The following MALRD1 variants were observed in gnomAD, a reference collection of about 807,000 sequenced individuals.
MALRD1 encodes MAM and LDL-receptor class A domain-containing protein 1.
In MALRD1, 247 loss-of-function variants were observed where a neutral mutation model predicts 242.1. That is an observed-to-expected ratio of 1.02 (90% CI 0.92 to 1.13). The LOEUF (loss-of-function observed/expected upper bound fraction) is 1.13. Ranked by LOEUF, MALRD1 falls within the 50% of genes most tolerant of loss-of-function variation. The pLI is 0.00. For missense variants in MALRD1, 2,989 were observed against 2,533.1 expected, an observed-to-expected ratio of 1.18 and a Z score of -3.86; for synonymous variants, 995 against 866.6, an observed-to-expected ratio of 1.15 and a Z score of -2.60.
intron 31 of MALRD1, among the ~76,000 whole-genome samples, chr10:19,525,757 A>T (rs1286696919): frequency 6.6e-6 from 1 of 152,166 alleles, no homozygotes; most frequent in Admixed American, 6.5e-5. Flanking sequence ...CAAAATTCAG[A>T]TATATTTAAT....
intron 18 of MALRD1, among the ~76,000 whole-genome samples, chr10:19,253,422 C>T (rs1334633558): frequency 2.0e-5 from 3 of 151,772 alleles, no homozygotes; most frequent in African/African-American, 7.3e-5. Flanking sequence ...ATTTATATGT[C>T]GATTTTATCC....
chr10:19,125,309 C>CTTT (rs1837226433), intron 7 of MALRD1, among the ~76,000 whole-genome samples: 1 of 58,592 alleles, frequency 1.7e-5, no homozygotes, highest in African/African-American at 8.9e-5. Context: ...TTCCTTCCTT[C>CTTT]CTTCCTTCCT....
intron 21 of MALRD1, among the ~76,000 whole-genome samples, chr10:19,305,876 A>T (rs1210453975): frequency 7.6e-6 from 1 of 130,806 alleles, no homozygotes; most frequent in Non-Finnish European, 1.6e-5. Context: ...TATATTATAT[A>T]ATATATATAA....
chr10:19,168,153 C>T (rs779339393), intron 13 of MALRD1, among the ~76,000 whole-genome samples: 13 of 152,170 alleles, frequency 8.5e-5, no homozygotes, highest in Non-Finnish European at 1.6e-4. Flanking sequence ...AGGTCCCCAA[C>T]GTCCCTTCTC....
At chr10:19,596,496 G>A (rs1260989914) in intron 34 of MALRD1, among the ~76,000 whole-genome samples, 2 of 152,188 alleles carry the variant, frequency 1.3e-5, no homozygotes, top group East Asian at 1.9e-4. Flanking sequence ...TTGAAAGGCC[G>A]AGATCGGAGG....
chr10:19,235,609 A>AGAGAGAGAGAGAGAGAGAGC (rs1412613080), intron 18 of MALRD1, among the ~76,000 whole-genome samples: 21 of 136,486 alleles, frequency 1.5e-4, no homozygotes, highest in African/African-American at 5.6e-4. Flanking sequence ...AGAGAGAGAG[A>AGAGAGAGAGAGAGAGAGAGC]GAGAGCGCCT....
chr10:19,400,231 G>A (rs536326543), intron 28 of MALRD1, among the ~76,000 whole-genome samples: 6 of 152,146 alleles, frequency 3.9e-5, no homozygotes, highest in Non-Finnish European at 8.8e-5. Flanking sequence ...GAAAGTGAAT[G>A]TCCTTCAATA....
At chr10:19,129,563 C>G (rs1193650939) in intron 8 of MALRD1, among the ~76,000 whole-genome samples, 1 of 151,828 alleles carries the variant, frequency 6.6e-6, no homozygotes, top group Non-Finnish European at 1.5e-5. Context: ...CTCTTCTTCC[C>G]CAAAGAGGTG....
chr10:19,084,712 T>G (rs924992409), intron 2 of MALRD1, among the ~76,000 whole-genome samples: 1 of 151,990 alleles, frequency 6.6e-6, no homozygotes, highest in Non-Finnish European at 1.5e-5. Flanking sequence ...TGATTCATGG[T>G]TTTTGTTGCT....
At chr10:19,531,951 C>T (rs553749990) in intron 32 of MALRD1, among the ~76,000 whole-genome samples, 9 of 152,276 alleles carry the variant, frequency 5.9e-5, no homozygotes, top group Admixed American at 5.2e-4. Flanking sequence ...CATATCAGCA[C>T]ACCACACCTA....
chr10:19,724,557 TATCTA>T (rs1834924090), intron 38 of MALRD1, among the ~76,000 whole-genome samples: 1 of 152,184 alleles, frequency 6.6e-6, no homozygotes, highest in Non-Finnish European at 1.5e-5. Flanking sequence ...TTTATTCACT[TATCTA>T]GTCCAAAGAT....
At chr10:19,335,192 GTTT>G (rs397828429) in intron 24 of MALRD1, among the ~76,000 whole-genome samples, 2 of 137,370 alleles carry the variant, frequency 1.5e-5, no homozygotes, top group Middle Eastern at 3.4e-3. Flanking sequence ...GTTTTTTTTT[GTTT>G]TTTTTTTTTT....
rs557006043 is a variant in MALRD1, at chr10:19,113,216, TA to T, written c.694+9142del. On this transcript the variant is annotated intron_variant, in intron 5 of 39. Transcript: ENST00000454679. ...TTCTCATAAATCCATCAATAAGTCT[TA>T]CTGCCTCCAGGACAGAATTCAAATA... Among the ~76,000 whole-genome samples, 16 of 152,270 alleles carry T rather than the reference TA, an allele frequency of 1.1e-4. No homozygotes were observed. The East Asian group carries it at 3.1e-3, about 29-fold the overall frequency.
At chr10:19,321,641 A>G (rs1207453625) in intron 21 of MALRD1, among the ~76,000 whole-genome samples, 3 of 152,134 alleles carry the variant, frequency 2.0e-5, no homozygotes, top group Non-Finnish European at 4.4e-5. Context: ...CATCTGAACT[A>G]TTCCCTTCTA....
rs538837831 is a variant in MALRD1, at chr10:19,390,719, A to G, written c.4845+1110A>G. On this transcript the variant is annotated intron_variant, in intron 28 of 39. Coordinates refer to ENST00000454679, the MANE Select transcript of MALRD1 (RefSeq NM_001142308.3). ...TTTGGTTAAGTGCCCTGGCACTGATAGAAAATGCCTGAGCTGAATACCAAA... is the reference window on the plus strand; with the variant it reads ...TTTGGTTAAGTGCCCTGGCACTGATGGAAAATGCCTGAGCTGAATACCAAA... Among the ~76,000 whole-genome samples the G allele has an allele frequency of 6.6e-5, 10 of 152,214 alleles. No homozygotes were observed. The South Asian group carries it at 2.1e-3, about 32-fold the overall frequency.
At chr10:19,190,773 A>T (rs1200844753) in intron 14 of MALRD1, among the ~76,000 whole-genome samples, 1 of 151,912 alleles carries the variant, frequency 6.6e-6, no homozygotes, top group African/African-American at 2.4e-5. Context: ...ATGAAGTTGG[A>T]CCCTTACCTA....
intron 33 of MALRD1, among the ~76,000 whole-genome samples, chr10:19,573,001 G>A (rs1348045843): frequency 6.6e-6 from 1 of 152,146 alleles, no homozygotes; most frequent in Admixed American, 6.5e-5. Context: ...TTGTTACTGC[G>A]ACCTTAGAAA....
chr10:19,583,849 A>G (rs1042666878), intron 33 of MALRD1, among the ~76,000 whole-genome samples: 25 of 152,080 alleles, frequency 1.6e-4, no homozygotes, highest in African/African-American at 4.6e-4. Flanking sequence ...GAATCCATCT[A>G]GTCCTGGACT....
chr10:19,088,069 G>C lies in MALRD1; in HGVS notation c.481G>C (p.Val161Leu), dbSNP rs1162482899. 4.9e-6 allele frequency: 6 copies of C among 1,233,362 alleles called. No homozygotes were observed. Among genetic ancestry groups the C allele is most frequent in the African/African-American group, 1.6e-5 (1 of 64,444 alleles). 76.4% of individuals were successfully genotyped at this position (1,233,362 alleles called of 1,614,324 possible). Reference protein sequence around the residue: ...FSCQVSGKLMVGLQTACGGPI... With the variant: ...FSCQVSGKLMLGLQTACGGPI... The stretch of plus-strand genomic sequence containing the variant: ...CTGCCAAGTGAGTGGCAAATTAATG[G>C]TTGGGCTTCAAACTGCATGTGGAGG... Residue 161 changes from valine (V) to leucine (L), a missense_variant, in exon 4 of 40, where the codon GTT becomes CTT. Transcript: ENST00000454679.
Sources: gnomAD v4.1 joint callset for allele counts (sites outside exome capture counted in the v4.1 genomes callset) on GRCh38, gnomAD v4.1.1 for gene constraint, MANE v1.5 for transcripts, NCBI Gene and HGNC (gene_info 2026-07-23, HGNC 2026-07-21) for gene names.